The following ZNF407 variants were observed in gnomAD, a reference collection of about 807,000 sequenced individuals.
The protein encoded by ZNF407 is zinc finger protein 407.
A neutral mutation model predicts 131.2 loss-of-function variants in ZNF407; 17 were observed. The ratio of observed to expected loss-of-function variants is 0.13; its 90% confidence interval spans 0.09 to 0.19. The LOEUF (loss-of-function observed/expected upper bound fraction) is 0.19, where lower values mean the gene tolerates loss of function less well. Among genes scored for constraint, ZNF407 ranks in the 10% least tolerant of loss-of-function variants. ZNF407 has a pLI of 1.00. For synonymous variants in ZNF407, 1,156 were observed against 1,062.0 expected, an observed-to-expected ratio of 1.09 and a Z score of -1.72; for missense variants, 2,681 against 2,830.6, an observed-to-expected ratio of 0.95 and a Z score of 1.20.
chr18:74,675,667 C>T (rs147187081), intron 3 of ZNF407, among the ~76,000 whole-genome samples: 39 of 152,282 alleles, frequency 2.6e-4, no homozygotes, highest in African/African-American at 8.4e-4. Flanking sequence ...GTTCCTGTTA[C>T]GCTGTTAGCT....
At chr18:74,860,432 A>G (rs188585603) in intron 4 of ZNF407, among the ~76,000 whole-genome samples, 4 of 151,988 alleles carry the variant, frequency 2.6e-5, no homozygotes, top group Admixed American at 6.6e-5. Context: ...TTAAATAACT[A>G]AAGTTTGACC....
intron 3 of ZNF407, among the ~76,000 whole-genome samples, chr18:74,704,964 A>G (rs371380463): frequency 1.3e-5 from 2 of 152,222 alleles, no homozygotes; most frequent in East Asian, 1.9e-4. Flanking sequence ...TTTATCCCAC[A>G]TAGACCCCAG....
chr18:74,740,378 T>G (rs1321574458), intron 3 of ZNF407, among the ~76,000 whole-genome samples: 1 of 152,228 alleles, frequency 6.6e-6, no homozygotes, highest in Non-Finnish European at 1.5e-5. Flanking sequence ...CCTAATACCT[T>G]CTGCAAGGAT....
At position 74,634,136 on chromosome 18, in the gene ZNF407, A is replaced by G; in HGVS notation, c.3117A>G (p.Lys1039=). ...SASLELHVKR[K]HTKEFEFYCM... ...CTCTAGAGCTGCATGTAAAACGGAA[A>G]CATACAAAAGAGTTTGAGTTTTATT... The change falls in exon 2 of 9, where the codon AAA becomes AAG. Residue 1039 remains lysine (K), a synonymous_variant. Transcript: ENST00000299687. 2 of 1,614,052 alleles carry G rather than the reference A, an allele frequency of 1.2e-6. No homozygotes were observed. The highest frequency in any genetic ancestry group is 1.7e-6 in the Non-Finnish European group (2 of 1,179,900).
intron 8 of ZNF407, among the ~76,000 whole-genome samples, chr18:74,937,252 G>A (rs192330423): frequency 1.1e-4 from 16 of 152,268 alleles, no homozygotes; most frequent in African/African-American, 3.4e-4. Flanking sequence ...ATCATACATG[G>A]TAACAACTAT....
chr18:74,852,374 GAC>G (rs1242741039), intron 4 of ZNF407, among the ~76,000 whole-genome samples: 1 of 152,036 alleles, frequency 6.6e-6, no homozygotes, highest in Non-Finnish European at 1.5e-5. Context: ...AAAGAACTGT[GAC>G]ACATGTCAAA....
At chr18:74,803,022 A>C (rs1400095903) in intron 4 of ZNF407, among the ~76,000 whole-genome samples, 1 of 152,118 alleles carries the variant, frequency 6.6e-6, no homozygotes, top group East Asian at 1.9e-4. Flanking sequence ...AGTGGTTATA[A>C]TGTTACCTTT....
At chr18:74,838,768 G>A (rs1386057469) in intron 4 of ZNF407, among the ~76,000 whole-genome samples, 1 of 152,164 alleles carries the variant, frequency 6.6e-6, no homozygotes, top group Non-Finnish European at 1.5e-5. Flanking sequence ...ATGAGTATAT[G>A]TTGGGCTATT....
chr18:74,784,939 T>C (rs1335357339), intron 4 of ZNF407, among the ~76,000 whole-genome samples: 1 of 152,202 alleles, frequency 6.6e-6, no homozygotes, highest in Non-Finnish European at 1.5e-5. Context: ...TGAATGACTG[T>C]GTAAATAGGA....
intron 8 of ZNF407, among the ~76,000 whole-genome samples, chr18:74,947,146 T>C (rs1007580247): frequency 1.3e-5 from 2 of 152,216 alleles, no homozygotes; most frequent in Admixed American, 1.3e-4. Flanking sequence ...GAAATTACCC[T>C]ATTTTTTCTC....
At chr18:74,894,807 CAG>C (rs1971431241) in intron 7 of ZNF407, among the ~76,000 whole-genome samples, 1 of 152,092 alleles carries the variant, frequency 6.6e-6, no homozygotes. Flanking sequence ...AATGGCAAGC[CAG>C]ACTCTGACAG....
chr18:74,731,022 C>G (rs1433037520), intron 3 of ZNF407, among the ~76,000 whole-genome samples: 2 of 152,200 alleles, frequency 1.3e-5, no homozygotes, highest in Non-Finnish European at 2.9e-5. Context: ...CAGACTTACA[C>G]TTAAATCTTA....
intron 8 of ZNF407, among the ~76,000 whole-genome samples, chr18:75,016,816 A>G (rs972079883): frequency 2.0e-5 from 3 of 152,134 alleles, no homozygotes; most frequent in Admixed American, 1.3e-4. Flanking sequence ...ACTGCTATTA[A>G]TACCTCTATA....
At chr18:75,033,845 CAG>C (rs1354097932) in intron 8 of ZNF407, among the ~76,000 whole-genome samples, 1 of 152,102 alleles carries the variant, frequency 6.6e-6, no homozygotes, top group Non-Finnish European at 1.5e-5. Flanking sequence ...TTAAAAGAAA[CAG>C]TGATAAGAAA....
chr18:75,018,161 T>C lies in ZNF407; in HGVS notation c.5429-44989T>C, dbSNP rs1237677002. 2.0e-5 allele frequency among the ~76,000 whole-genome samples: 3 copies of C among 152,118 alleles called. No individual in the cohort carries two copies. The East Asian group carries it at 5.8e-4, about 29-fold the overall frequency. On this transcript the variant is annotated intron_variant, in intron 8 of 8. Coordinates refer to ENST00000299687, the MANE Select transcript of ZNF407 (RefSeq NM_017757.3). Reference sequence around the variant, plus strand: ...TTGTAACACAGTGTTAACTTTATGATCGAGTATCTGTGGAAAATGCATGGA... The same window carrying C: ...TTGTAACACAGTGTTAACTTTATGACCGAGTATCTGTGGAAAATGCATGGA...
At chr18:74,755,773 C>CTTTCTTTCTTTCTTTCTTTCTT (rs769763395) in intron 3 of ZNF407, among the ~76,000 whole-genome samples, 270 of 113,388 alleles carry the variant, frequency 2.4e-3, no homozygotes, top group Middle Eastern at 5.9e-3. Flanking sequence ...TTCTTTCTTT[C>CTTTCTTTCTTTCTTTCTTTCTT]TCTCTCTCTC....
chr18:74,878,524 G>A (rs182454641), intron 5 of ZNF407, among the ~76,000 whole-genome samples: 27 of 152,162 alleles, frequency 1.8e-4, no homozygotes, highest in Non-Finnish European at 3.4e-4. Context: ...ATTTATCGTC[G>A]GCGTTTCCTT....
At chr18:74,848,474 A>T (rs1049536448) in intron 4 of ZNF407, among the ~76,000 whole-genome samples, 1 of 152,208 alleles carries the variant, frequency 6.6e-6, no homozygotes, top group Non-Finnish European at 1.5e-5. Context: ...GGGCAAGATG[A>T]TGGCTGCTGT....
Position 75,063,108 on chromosome 18 carries a change from G to T in ZNF407, c.5429-42G>T. On this transcript the variant is annotated intron_variant, in intron 8 of 8. Coordinates refer to ENST00000299687, the MANE Select transcript of ZNF407 (RefSeq NM_017757.3). The surrounding 1 kb of genome is among the most constrained non-coding windows in gnomAD (Gnocchi z 6.6). ...AGAAGTGTCTTACTTGTAAGCCTACGAGTACTTTTTCCAGGCTCTAACTGG... is the reference window on the plus strand; with the variant it reads ...AGAAGTGTCTTACTTGTAAGCCTACTAGTACTTTTTCCAGGCTCTAACTGG... The T allele has an allele frequency of 6.7e-7, 1 of 1,497,876 alleles. No homozygotes were observed. The highest frequency in any genetic ancestry group is 9.0e-7 in the Non-Finnish European group (1 of 1,111,626). 92.8% of individuals were successfully genotyped at this position (1,497,876 alleles called of 1,614,324 possible). A position where few individuals can be genotyped will look rare whatever the true frequency, so the allele number is the denominator to read the frequency against.
Sources: gnomAD v4.1 joint callset for allele counts (sites outside exome capture counted in the v4.1 genomes callset) on GRCh38, gnomAD v4.1.1 for gene constraint, Gnocchi (gnomAD v3.1) non-coding constraint, MANE v1.5 for transcripts, NCBI Gene and HGNC (gene_info 2026-07-23, HGNC 2026-07-21) for gene names.